The following USP32 variants were observed in gnomAD, a reference collection of about 807,000 sequenced individuals.
USP32 encodes ubiquitin carboxyl-terminal hydrolase 32.
USP32 carries 59 observed loss-of-function variants against 204.8 expected under a neutral mutation model. The observed-to-expected ratio is 0.29, with a 90% confidence interval of 0.23 to 0.36. USP32 has a LOEUF of 0.36. Ranked by LOEUF, USP32 falls within the 10% of genes least tolerant of loss-of-function variation. The pLI is 1.00. For missense variants in USP32, 1,160 were observed against 1,946.4 expected (o/e 0.60, Z 7.60); for synonymous variants, 517 against 678.4 (o/e 0.76, Z 3.70).
At chr17:60,351,148 G>A (rs1278835409) in intron 1 of USP32, among the ~76,000 whole-genome samples, 1 of 151,440 alleles carries the variant, frequency 6.6e-6, no homozygotes, top group Non-Finnish European at 1.5e-5. Context: ...AGGTGAGGCT[G>A]AGAAAAAAAA....
At chr17:60,388,036 G>A (rs1303427224) in intron 1 of USP32, among the ~76,000 whole-genome samples, 1 of 151,934 alleles carries the variant, frequency 6.6e-6, no homozygotes, top group East Asian at 1.9e-4. Flanking sequence ...TAGAGAGAGG[G>A]GTCTTGGTTA....
At chr17:60,233,578 G>A (rs1187447900) in intron 12 of USP32, among the ~76,000 whole-genome samples, 1 of 152,084 alleles carries the variant, frequency 6.6e-6, no homozygotes, top group Non-Finnish European at 1.5e-5. Flanking sequence ...AGGAAACAAG[G>A]CCCAGAATGT....
At chr17:60,293,872 T>G (rs868692038) in intron 4 of USP32, among the ~76,000 whole-genome samples, 2 of 152,016 alleles carry the variant, frequency 1.3e-5, no homozygotes, top group Non-Finnish European at 2.9e-5. Context: ...GAGTGCTGCA[T>G]GAAAGAATCA....
intron 2 of USP32, among the ~76,000 whole-genome samples, chr17:60,314,028 A>T (rs2087915337): frequency 6.6e-6 from 1 of 152,140 alleles, no homozygotes; most frequent in African/African-American, 2.4e-5. Flanking sequence ...CAAGAATTTA[A>T]ACAAAAATAA....
In USP32 at chr17:60,205,467, T is replaced by A. The variant is rs370708574; in HGVS notation, c.3229A>T (p.Ile1077Phe). The change falls in exon 26 of 34, where the codon ATT becomes TTT. Residue 1077 changes from isoleucine (I) to phenylalanine (F), a missense_variant. Ile to Phe is a conservative substitution (Grantham distance 21, BLOSUM62 0). Transcript: ENST00000300896. Reference protein sequence around the residue: ...LPDSPFTGYIIAVHRKMMRTE... With the variant: ...LPDSPFTGYIFAVHRKMMRTE... ...CTAACCATTTTTCGGTGGACTGCAA[T>A]GATGTAACCTGTAAAGGGGCTGTCA... 48 of 1,610,906 alleles carry A rather than the reference T, an allele frequency of 3.0e-5. No homozygotes were observed. In the African/African-American group the frequency reaches 5.3e-4, roughly 18 times the overall value.
intron 2 of USP32, among the ~76,000 whole-genome samples, chr17:60,340,808 C>T (rs1258362954): frequency 2.6e-5 from 4 of 152,182 alleles, no homozygotes; most frequent in East Asian, 3.9e-4. Context: ...TGGCTGGTAC[C>T]GGTTGTTTCT....
intron 1 of USP32, among the ~76,000 whole-genome samples, chr17:60,414,237 C>T (rs2090042027): frequency 6.6e-6 from 1 of 151,758 alleles, no homozygotes; most frequent in South Asian, 2.1e-4. Flanking sequence ...GTGGCATAAG[C>T]CTGTAATCCC....
intron 2 of USP32, among the ~76,000 whole-genome samples, chr17:60,341,818 G>GT (rs1191976541): frequency 6.6e-6 from 1 of 152,008 alleles, no homozygotes; most frequent in African/African-American, 2.4e-5. Context: ...TTTTTTCAAG[G>GT]TTTTTTAGCT....
intron 11 of USP32, among the ~76,000 whole-genome samples, chr17:60,240,886 G>A (rs112609916): frequency 0.022 from 3,280 of 152,210 alleles, 139 homozygotes; most frequent in African/African-American, 0.075. Flanking sequence ...AACTTCTGAC[G>A]AATAACCCTG....
chr17:60,286,136 CAA>C (rs1170911336), intron 5 of USP32, among the ~76,000 whole-genome samples: 68 of 84,106 alleles, frequency 8.1e-4, no homozygotes, highest in African/African-American at 1.1e-3. Context: ...ACAGTGTGTC[CAA>C]AAAAAAAAAA....
At chr17:60,216,810 T>C (rs578024707) in intron 16 of USP32, among the ~76,000 whole-genome samples, 86 of 152,296 alleles carry the variant, frequency 5.6e-4, no homozygotes, top group African/African-American at 1.9e-3. Context: ...TTTGAACACA[T>C]AGCAAGCAAA....
At position 60,198,278 on chromosome 17, in the gene USP32, C is replaced by A. The variant is rs756513011; in HGVS notation, c.3416G>T (p.Ser1139Ile). ...LASPLPPQEASNHAQDCDDSM... is the reference protein window; with the variant it reads ...LASPLPPQEAINHAQDCDDSM... ...AACTCACCAATCCTGGGCATGATTACTAGCTTCCTGAGGTGGGAGTGGGCT... is the reference window on the plus strand; with the variant it reads ...AACTCACCAATCCTGGGCATGATTAATAGCTTCCTGAGGTGGGAGTGGGCT... The change falls in exon 27 of 34, where the codon AGT becomes ATT. Residue 1139 changes from serine (S) to isoleucine (I), a missense_variant. This residue lies in a region of USP32 where 160 missense variants were observed against 322.5 expected (regional missense o/e 0.50). Transcript: ENST00000300896. 13 of 1,613,992 alleles carry A rather than the reference C, an allele frequency of 8.1e-6. No individual in the cohort carries two copies. Among genetic ancestry groups the A allele is most frequent in the Non-Finnish European group, 1.1e-5 (13 of 1,180,006 alleles).
At position 60,311,247 on chromosome 17, in the gene USP32, C is replaced by T. The variant is rs144285646; in HGVS notation, c.187-9543G>A. ...ATGGATTAGTGATCACATGTACCCC[C>T]CAAAAAATGTATCTATTATGCAACC... On this transcript the variant is annotated intron_variant, in intron 2 of 33. Transcript: ENST00000300896. Among the ~76,000 whole-genome samples, 1,299 of 152,080 alleles carry T rather than the reference C, an allele frequency of 8.5e-3. 24 individuals are homozygous for T. The highest frequency in any genetic ancestry group is 0.029 in the African/African-American group (1,193 of 41,486).
chr17:60,415,462 C>T (rs963319187), intron 1 of USP32, among the ~76,000 whole-genome samples: 5 of 152,158 alleles, frequency 3.3e-5, no homozygotes, highest in African/African-American at 1.2e-4. Flanking sequence ...GAATCACTGC[C>T]GAGAAGGTCC....
chr17:60,354,838 G>A (rs2089031533), intron 1 of USP32, among the ~76,000 whole-genome samples: 1 of 152,164 alleles, frequency 6.6e-6, no homozygotes, highest in East Asian at 1.9e-4. Context: ...TTAAGGTCAG[G>A]AGTTCGAAAC....
At chr17:60,245,588 G>T in intron 11 of USP32, 1 of 311,522 alleles carries the variant, frequency 3.2e-6, no homozygotes, top group South Asian at 3.5e-5. Context: ...GGTGCTGGAT[G>T]AAATTCTTGG....
upstream of USP32, among the ~76,000 whole-genome samples, chr17:60,396,917 T>C (rs79703401): frequency 1.3e-4 from 20 of 152,326 alleles, no homozygotes; most frequent in East Asian, 3.9e-3. Context: ...TCCTTCAAAT[T>C]AATAGTTTAC....
chr17:60,349,682 C>T (rs1183675024), intron 1 of USP32, among the ~76,000 whole-genome samples: 23 of 123,756 alleles, frequency 1.9e-4, no homozygotes, highest in East Asian at 1.6e-3. Context: ...TATATACACA[C>T]ATATATATAT....
chr17:60,239,918 G>T lies in USP32; in HGVS notation c.1137-3678C>A, dbSNP rs573932473. On this transcript the variant is annotated intron_variant, in intron 11 of 33. Coordinates refer to ENST00000300896, the MANE Select transcript of USP32 (RefSeq NM_032582.4). ...CTGGCTAATTTTTGTATATTTTTTA[G>T]TAGAGACGGGGTTTTACCATGTTGG... is the stretch of plus-strand genomic sequence containing the variant. Among the ~76,000 whole-genome samples, 8 of 152,208 alleles carry T rather than the reference G, an allele frequency of 5.3e-5. No homozygotes were observed. The South Asian group carries it at 1.7e-3, about 32-fold the overall frequency.
Sources: allele counts gnomAD v4.1 joint callset (sites outside exome capture counted in the v4.1 genomes callset), GRCh38; gene constraint gnomAD v4.1.1; regional missense constraint gnomAD v4.1.1; transcripts MANE v1.5; gene names NCBI Gene and HGNC (gene_info 2026-07-23, HGNC 2026-07-21).